The following RGS6 variants were observed in gnomAD, a reference collection of about 807,000 sequenced individuals.
RGS6 encodes the protein regulator of G-protein signaling 6.
In RGS6, 30 loss-of-function variants were observed where a neutral mutation model predicts 78.5. That is an observed-to-expected ratio of 0.38 (90% CI 0.29 to 0.52). The LOEUF (loss-of-function observed/expected upper bound fraction) is 0.52, where lower values mean the gene tolerates loss of function less well. Among genes scored for constraint, RGS6 ranks in the 20% least tolerant of loss-of-function variants. The probability of loss-of-function intolerance (pLI) is 0.85; values close to 1 mark genes in which losing one functional copy is unlikely to be tolerated. For synonymous variants in RGS6, 206 were observed against 206.0 expected (o/e 1.00, Z 0.00); for missense variants, 495 against 609.7 (o/e 0.81, Z 1.98).
intron 17 of RGS6, among the ~76,000 whole-genome samples, chr14:72,554,783 A>G (rs1455188516): frequency 1.3e-5 from 2 of 152,234 alleles, no homozygotes; most frequent in African/African-American, 4.8e-5. Flanking sequence ...GGGCATTTCC[A>G]CCACACAGGG....
At chr14:72,460,793 A>G (rs2095757376) in intron 6 of RGS6, among the ~76,000 whole-genome samples, 1 of 152,032 alleles carries the variant, frequency 6.6e-6, no homozygotes, top group South Asian at 2.1e-4. Flanking sequence ...TGGGAGGGAG[A>G]TGTGCAGCTG....
chr14:72,156,143 G>T (rs942517621), intron 2 of RGS6, among the ~76,000 whole-genome samples: 7 of 152,204 alleles, frequency 4.6e-5, no homozygotes, highest in South Asian at 2.1e-4. Flanking sequence ...TCAGCAAGGA[G>T]TATGGGCAAA....
At chr14:72,309,225 G>A (rs1409212405) in intron 2 of RGS6, among the ~76,000 whole-genome samples, 1 of 152,188 alleles carries the variant, frequency 6.6e-6, no homozygotes, top group East Asian at 1.9e-4. Context: ...ACCCTCAGAG[G>A]TCAGAGCGAG....
chr14:72,028,429 C>G (rs1262503187), intron 2 of RGS6, among the ~76,000 whole-genome samples: 2 of 152,210 alleles, frequency 1.3e-5, no homozygotes, highest in African/African-American at 4.8e-5. Flanking sequence ...GCTAATACAT[C>G]TTACAGTTAG....
intron 12 of RGS6, among the ~76,000 whole-genome samples, chr14:72,480,204 C>T (rs2096342128): frequency 1.3e-5 from 2 of 152,328 alleles, no homozygotes; most frequent in Non-Finnish European, 2.9e-5. Flanking sequence ...TTGCCTGCTA[C>T]TCAGGCTGAC....
At chr14:72,197,715 G>A (rs2040522961) in intron 2 of RGS6, among the ~76,000 whole-genome samples, 1 of 151,948 alleles carries the variant, frequency 6.6e-6, no homozygotes, top group African/African-American at 2.4e-5. Context: ...TTTCTATTTG[G>A]CAGTTTTCAG....
chr14:72,625,611 A>T, the RGS6 span, among the ~76,000 whole-genome samples: 1 of 152,178 alleles, frequency 6.6e-6, no homozygotes, highest in African/African-American at 2.4e-5. Context: ...CTGTGTTGTC[A>T]TTGCTTCTAG....
chr14:72,016,586 C>T (rs1021058732), intron 2 of RGS6, among the ~76,000 whole-genome samples: 1 of 152,120 alleles, frequency 6.6e-6, no homozygotes, highest in Non-Finnish European at 1.5e-5. Context: ...AGGATTGTCT[C>T]AATCTCCTGA....
intron 2 of RGS6, among the ~76,000 whole-genome samples, chr14:72,149,274 C>T (rs1598401090): frequency 1.3e-5 from 2 of 152,174 alleles, no homozygotes. Flanking sequence ...CAGAAGTCAT[C>T]TAGCATCACT....
the RGS6 span, among the ~76,000 whole-genome samples, chr14:72,575,967 A>G: frequency 6.6e-6 from 1 of 152,230 alleles, no homozygotes; most frequent in East Asian, 1.9e-4. Context: ...TCAGACGGCC[A>G]GAGCCAGAGG....
chr14:72,249,230 T>A (rs889224681), intron 2 of RGS6, among the ~76,000 whole-genome samples: 1 of 152,174 alleles, frequency 6.6e-6, no homozygotes, highest in Non-Finnish European at 1.5e-5. Context: ...AAGAAAGTTA[T>A]AGGGAAAGGC....
intron 3 of RGS6, among the ~76,000 whole-genome samples, chr14:72,392,496 C>T (rs2090246802): frequency 6.6e-6 from 1 of 152,098 alleles, no homozygotes; most frequent in East Asian, 1.9e-4. Context: ...TACACACGCA[C>T]CTGGCCCAAG....
At chr14:72,293,391 T>G (rs2064012073) in intron 2 of RGS6, among the ~76,000 whole-genome samples, 1 of 152,138 alleles carries the variant, frequency 6.6e-6, no homozygotes, top group Non-Finnish European at 1.5e-5. Context: ...AGGTGCAGGA[T>G]GTTCTTCAAA....
At position 72,563,999 on chromosome 14, in the gene RGS6, G is replaced by T. The variant is rs760674779; in HGVS notation, c.*1532G>T. Reference sequence around the variant, plus strand: ...CTCATGCAGCCAAATTCGCCAGCTGGTGACCAAAGGCTCAGATGCTTGCTT... The same window carrying T: ...CTCATGCAGCCAAATTCGCCAGCTGTTGACCAAAGGCTCAGATGCTTGCTT... On this transcript the variant is annotated 3_prime_UTR_variant, in exon 18 of 18. Coordinates refer to ENST00000553525, the MANE Select transcript of RGS6 (RefSeq NM_001204424.2). The T allele has an allele frequency of 7.9e-5, 12 of 152,194 alleles. No homozygotes were observed. Among genetic ancestry groups the T allele is most frequent in the Non-Finnish European group, 1.3e-4 (9 of 68,026 alleles). The allele number at this position is 152,194 out of a possible 1,614,324, so 9.4% of individuals were successfully genotyped here.
chr14:72,068,491 TCTTC>T (rs2094265552), intron 2 of RGS6, among the ~76,000 whole-genome samples: 2 of 121,266 alleles, frequency 1.6e-5, no homozygotes, highest in Non-Finnish European at 3.3e-5. Context: ...TCCCTCCCAC[TCTTC>T]CTATTTTTTT....
At chr14:72,608,174 T>C in the RGS6 span, among the ~76,000 whole-genome samples, 50 of 152,314 alleles carry the variant, frequency 3.3e-4, no homozygotes, top group African/African-American at 1.1e-3. Context: ...TTGGCAAGAT[T>C]GTGAGCCTCA....
intron 7 of RGS6, among the ~76,000 whole-genome samples, chr14:72,468,270 T>C (rs1427177729): frequency 6.6e-6 from 1 of 151,842 alleles, no homozygotes; most frequent in African/African-American, 2.4e-5. Context: ...ATCCAGCTAC[T>C]CAGGAGGCTG....
At chr14:72,199,458 TTA>T (rs2040974821) in intron 2 of RGS6, among the ~76,000 whole-genome samples, 1 of 152,212 alleles carries the variant, frequency 6.6e-6, no homozygotes, top group African/African-American at 2.4e-5. Context: ...CCAAGAGATT[TTA>T]TCTTTCTTTT....
At chr14:72,049,441 A>G (rs2093082715) in intron 2 of RGS6, among the ~76,000 whole-genome samples, 1 of 152,182 alleles carries the variant, frequency 6.6e-6, no homozygotes, top group Admixed American at 6.5e-5. Flanking sequence ...AGCTTAGCAA[A>G]ATGGTGCAAG....
Sources: allele counts gnomAD v4.1 joint callset (sites outside exome capture counted in the v4.1 genomes callset), GRCh38; gene constraint gnomAD v4.1.1; transcripts MANE v1.5; gene names NCBI Gene and HGNC (gene_info 2026-07-23, HGNC 2026-07-21).